The following JAK1 variants were observed in gnomAD, a reference collection of about 807,000 sequenced individuals.
JAK1 encodes the protein tyrosine-protein kinase JAK1.
JAK1 carries 16 observed loss-of-function variants against 136.6 expected under a neutral mutation model. That is an observed-to-expected ratio of 0.12 (90% CI 0.08 to 0.18). The LOEUF (loss-of-function observed/expected upper bound fraction) is 0.18. JAK1 is among the 10% of genes least tolerant of loss of function. The pLI is 1.00. For synonymous variants in JAK1, 492 were observed against 519.5 expected, an observed-to-expected ratio of 0.95 and a Z score of 0.72; for missense variants, 859 against 1,450.1, an observed-to-expected ratio of 0.59 and a Z score of 6.62.
chr1:64,978,081 C>G (rs1646512761), intron 2 of JAK1, among the ~76,000 whole-genome samples: 1 of 151,944 alleles, frequency 6.6e-6, no homozygotes, highest in East Asian at 1.9e-4. Flanking sequence ...AGATTGAGAC[C>G]ATCCTGGCCA....
intron 1 of JAK1, chr1:64,942,364 AGTG>A (rs1330052723): frequency 6.6e-6 from 1 of 152,236 alleles, no homozygotes; most frequent in Non-Finnish European, 1.5e-5. Flanking sequence ...CAGGCAGCAT[AGTG>A]GGGCTCTCTA....
chr1:64,976,964 T>A (rs976442600), intron 2 of JAK1, among the ~76,000 whole-genome samples: 2 of 152,144 alleles, frequency 1.3e-5, no homozygotes, highest in African/African-American at 2.4e-5. Context: ...ATAGCTATAC[T>A]TCTCTTGGGC....
intron 1 of JAK1, among the ~76,000 whole-genome samples, chr1:64,914,157 T>C (rs568629051): frequency 2.0e-5 from 3 of 152,244 alleles, no homozygotes; most frequent in Admixed American, 1.3e-4. Flanking sequence ...GACCAGCAGT[T>C]TGGAAGCAAC....
chr1:64,850,729 C>G, intron 12 of JAK1, 75 bp downstream of exon 12: 1 of 951,700 alleles, frequency 1.1e-6, no homozygotes, highest in Non-Finnish European at 1.7e-6. Flanking sequence ...AGCCTTCCTT[C>G]CCCCAGATCC....
intron 2 of JAK1, chr1:64,993,471 CCTAA>C (rs1381547822): frequency 6.6e-6 from 1 of 152,140 alleles, no homozygotes; most frequent in African/African-American, 2.4e-5. Context: ...CTGTTAGTTA[CCTAA>C]CTTATTATAG....
chr1:65,013,651 T>G (rs1646869103), intron 2 of JAK1, among the ~76,000 whole-genome samples: 1 of 152,140 alleles, frequency 6.6e-6, no homozygotes, highest in Non-Finnish European at 1.5e-5. Context: ...ATGACGTCCC[T>G]AGGAAGCAAA....
intron 2 of JAK1, among the ~76,000 whole-genome samples, chr1:65,025,480 G>A (rs1646970337): frequency 1.3e-5 from 2 of 152,096 alleles, no homozygotes; most frequent in Admixed American, 1.3e-4. Context: ...AAAGAGGTGA[G>A]GCCACAGGGT....
At chr1:64,979,349 T>C (rs1431805399) in intron 2 of JAK1, among the ~76,000 whole-genome samples, 3 of 152,202 alleles carry the variant, frequency 2.0e-5, no homozygotes, top group Non-Finnish European at 4.4e-5. Context: ...TAGTGAGCTA[T>C]GCTCATGCCA....
At chr1:64,903,870 A>G (rs2101490343) in intron 1 of JAK1, among the ~76,000 whole-genome samples, 1 of 152,320 alleles carries the variant, frequency 6.6e-6, no homozygotes, top group Middle Eastern at 3.4e-3. Flanking sequence ...TCTTTGTCCT[A>G]TAGATTATCA....
chr1:65,063,720 G>C (rs145326242), intron 1 of JAK1, among the ~76,000 whole-genome samples: 3,086 of 150,368 alleles, frequency 0.021, 130 homozygotes, highest in African/African-American at 0.073. Flanking sequence ...CAAGAGGATC[G>C]CTTGAACCTG....
chr1:64,850,998 C>T (rs1570634808), intron 11 of JAK1, 88 bp from the exon 12 acceptor site: 7 of 859,508 alleles, frequency 8.1e-6, no homozygotes, highest in South Asian at 7.0e-5. Flanking sequence ...GGCCGTGGGA[C>T]CGGTGTGCGG....
chr1:64,947,572 A>G (rs1303477866), intron 1 of JAK1, among the ~76,000 whole-genome samples: 1 of 152,118 alleles, frequency 6.6e-6, no homozygotes, highest in African/African-American at 2.4e-5. Context: ...CTTGGAGTCC[A>G]TGAACCATGG....
intron 2 of JAK1, among the ~76,000 whole-genome samples, chr1:64,997,318 A>G (rs1646712951): frequency 1.3e-5 from 2 of 152,360 alleles, no homozygotes; most frequent in Admixed American, 1.3e-4. Context: ...TAGAATGACA[A>G]GACATAGAAT....
Position 65,013,958 on chromosome 1 carries a change from A to C in JAK1, c.-78+30522T>G, listed in dbSNP as rs2100776562. 1.3e-5 allele frequency among the ~76,000 whole-genome samples: 2 copies of C among 152,332 alleles called. 1 individual carries two copies. Among genetic ancestry groups the C allele is most frequent in the South Asian group, 4.1e-4 (2 of 4,828 alleles). On this transcript the variant is annotated intron_variant, in intron 2 of 25. Coordinates refer to the JAK1 transcript ENST00000671954. ...TGGAAACTACAAAAAGTGACCAACA[A>C]ATTTTTAAGAACAATAAAATTAAAC...
chr1:64,860,557 G>A (rs894890091), intron 8 of JAK1, among the ~76,000 whole-genome samples: 5 of 151,778 alleles, frequency 3.3e-5, no homozygotes, highest in South Asian at 2.1e-4. Flanking sequence ...GGGTCCAAGC[G>A]ATTCTTCTGC....
chr1:64,935,933 C>T (rs1452936460), intron 1 of JAK1, among the ~76,000 whole-genome samples: 2 of 152,114 alleles, frequency 1.3e-5, no homozygotes, highest in Admixed American at 6.6e-5. Flanking sequence ...TAGAACAGAC[C>T]GGTGTGTGTC....
chr1:64,865,373 T>C (rs1326420753), intron 7 of JAK1, among the ~76,000 whole-genome samples: 2 of 152,226 alleles, frequency 1.3e-5, no homozygotes, highest in Non-Finnish European at 2.9e-5. Flanking sequence ...ACATGAGCTT[T>C]CTCCTATCAC....
At chr1:64,922,520 T>C (rs1645512839) in intron 1 of JAK1, among the ~76,000 whole-genome samples, 1 of 151,974 alleles carries the variant, frequency 6.6e-6, no homozygotes, top group African/African-American at 2.4e-5. Context: ...AGTAACAATA[T>C]AAAAATATTC....
chr1:64,944,004 C>T (rs746147448), intron 1 of JAK1, among the ~76,000 whole-genome samples: 11 of 151,566 alleles, frequency 7.3e-5, no homozygotes, highest in Non-Finnish European at 1.0e-4. Flanking sequence ...AGGCGGATCA[C>T]GAGGTCAGGA....
Sources: gnomAD v4.1 joint callset for allele counts (sites outside exome capture counted in the v4.1 genomes callset) on GRCh38, gnomAD v4.1.1 for gene constraint, MANE v1.5 for transcripts, NCBI Gene and HGNC (gene_info 2026-07-23, HGNC 2026-07-21) for gene names.